The following NRG3 variants were observed in gnomAD, a reference collection of about 807,000 sequenced individuals.
The protein encoded by NRG3 is neuregulin 3.
NRG3 carries 31 observed loss-of-function variants against 66.9 expected under a neutral mutation model. That is an observed-to-expected ratio of 0.46 (90% CI 0.35 to 0.63). NRG3 has a LOEUF of 0.63. Among genes scored for constraint, NRG3 ranks in the 20% least tolerant of loss-of-function variants. The probability of loss-of-function intolerance (pLI) is 0.00; values close to 1 mark genes in which losing one functional copy is unlikely to be tolerated. For missense variants in NRG3, 910 were observed against 878.9 expected, an observed-to-expected ratio of 1.04 and a Z score of -0.45; for synonymous variants, 393 against 359.4, an observed-to-expected ratio of 1.09 and a Z score of -1.06.
intron 2 of NRG3, among the ~76,000 whole-genome samples, chr10:82,709,360 T>G (rs374148321): frequency 6.6e-6 from 1 of 151,018 alleles, no homozygotes; most frequent in South Asian, 2.1e-4. Context: ...CAGCTGGTTT[T>G]TTTTTGTTTT....
At chr10:82,286,179 A>T (rs187801704) in intron 1 of NRG3, among the ~76,000 whole-genome samples, 5 of 152,042 alleles carry the variant, frequency 3.3e-5, no homozygotes, top group Admixed American at 3.3e-4. Context: ...TGTGCTAAAA[A>T]CTCATAAGCT....
At chr10:82,480,127 TC>T (rs1842142935) in intron 2 of NRG3, among the ~76,000 whole-genome samples, 1 of 152,258 alleles carries the variant, frequency 6.6e-6, no homozygotes, top group African/African-American at 2.4e-5. Flanking sequence ...AGGATTTCAT[TC>T]ATAAGAAAGG....
intron 3 of NRG3, among the ~76,000 whole-genome samples, chr10:82,777,849 G>A (rs2059964803): frequency 1.3e-5 from 2 of 152,172 alleles, no homozygotes; most frequent in Non-Finnish European, 2.9e-5. Context: ...CAGGAATGTT[G>A]GGGCACGGCT....
intron 3 of NRG3, among the ~76,000 whole-genome samples, chr10:82,839,174 A>G (rs2062930704): frequency 6.6e-6 from 1 of 152,212 alleles, no homozygotes; most frequent in South Asian, 2.1e-4. Flanking sequence ...TAGGATTTGT[A>G]TTAACAAATA....
At chr10:82,016,565 T>C (rs2061795846) in intron 1 of NRG3, among the ~76,000 whole-genome samples, 1 of 152,126 alleles carries the variant, frequency 6.6e-6, no homozygotes, top group Non-Finnish European at 1.5e-5. Context: ...GACAGGTGTC[T>C]TGATCGTTAA....
intron 1 of NRG3, among the ~76,000 whole-genome samples, chr10:81,897,487 A>G (rs1843632096): frequency 6.6e-6 from 1 of 151,938 alleles, no homozygotes. Context: ...ACTTAGATTG[A>G]AGGAAAAACA....
chr10:82,661,549 A>C (rs2052361552), intron 2 of NRG3, among the ~76,000 whole-genome samples: 1 of 152,030 alleles, frequency 6.6e-6, no homozygotes, highest in African/African-American at 2.4e-5. Flanking sequence ...TACTAAAATT[A>C]TTATGTGCCT....
chr10:82,630,220 C>A (rs1441949371), intron 2 of NRG3, among the ~76,000 whole-genome samples: 2 of 151,660 alleles, frequency 1.3e-5, no homozygotes, highest in South Asian at 2.1e-4. Flanking sequence ...ATGGGAGGCG[C>A]CAAAGAGTAA....
chr10:81,971,905 G>A lies in NRG3; in HGVS notation c.823+95742G>A, dbSNP rs192574827. On this transcript the variant is annotated intron_variant, in intron 1 of 8. Transcript: ENST00000372141. ...TGATAGAAGCAATATGTAAAGGGAT[G>A]CTTTGGGTATTTAGTAGAGGACTGC... 2.1e-3 allele frequency among the ~76,000 whole-genome samples: 327 copies of A among 152,322 alleles called. 1 individual carries two copies. Among genetic ancestry groups the A allele is most frequent in the Middle Eastern group, 0.01 (3 of 294 alleles).
At chr10:82,865,362 C>T (rs1407737897) in intron 3 of NRG3, 49 bp from the exon 4 acceptor site, 1 of 1,604,094 alleles carries the variant, frequency 6.2e-7, no homozygotes, top group Non-Finnish European at 8.5e-7. Context: ...TTTTTCTAAC[C>T]TTTTTCTCTT....
intron 1 of NRG3, among the ~76,000 whole-genome samples, chr10:81,935,579 A>T (rs1462448649): frequency 1.3e-5 from 2 of 152,112 alleles, no homozygotes; most frequent in Non-Finnish European, 2.9e-5. Context: ...AACAACAACA[A>T]CAACAACAAC....
intron 2 of NRG3, among the ~76,000 whole-genome samples, chr10:82,652,730 C>T (rs1476093607): frequency 1.3e-5 from 2 of 152,148 alleles, no homozygotes; most frequent in African/African-American, 4.8e-5. Context: ...GAGGGTGGGG[C>T]TTTGACAGGG....
intron 2 of NRG3, among the ~76,000 whole-genome samples, chr10:82,595,968 C>G (rs1565108659): frequency 6.6e-6 from 1 of 151,996 alleles, no homozygotes; most frequent in East Asian, 1.9e-4. Context: ...CAATACAGTT[C>G]ATTAATTTTA....
intron 1 of NRG3, among the ~76,000 whole-genome samples, chr10:82,070,594 A>C (rs748516306): frequency 3.3e-5 from 5 of 152,190 alleles, no homozygotes; most frequent in South Asian, 2.1e-4. Flanking sequence ...TGGAAAAATA[A>C]TAATGACATT....
chr10:82,740,471 A>C (rs2058369304), intron 3 of NRG3, among the ~76,000 whole-genome samples: 1 of 152,130 alleles, frequency 6.6e-6, no homozygotes, highest in African/African-American at 2.4e-5. Flanking sequence ...GTAGAACAAA[A>C]TGGTCCCACG....
intron 2 of NRG3, among the ~76,000 whole-genome samples, chr10:82,467,072 T>A (rs76168508): frequency 1.4e-5 from 2 of 145,350 alleles, no homozygotes; most frequent in African/African-American, 5.6e-5. Context: ...GGGACCGTTA[T>A]TGAATTTTTA....
chr10:81,988,603 A>G (rs1222975330), intron 1 of NRG3, among the ~76,000 whole-genome samples: 1 of 152,168 alleles, frequency 6.6e-6, no homozygotes, highest in Non-Finnish European at 1.5e-5. Flanking sequence ...CAGGGTGCCT[A>G]GAGAATATTT....
intron 4 of NRG3, among the ~76,000 whole-genome samples, chr10:82,938,105 G>A (rs569446171): frequency 6.6e-6 from 1 of 152,282 alleles, no homozygotes; most frequent in Middle Eastern, 3.4e-3. Context: ...TCCCTTGATT[G>A]ACTGATTGAT....
chr10:82,575,603 C>T (rs538382670), intron 2 of NRG3, among the ~76,000 whole-genome samples: 3 of 151,742 alleles, frequency 2.0e-5, no homozygotes, highest in Non-Finnish European at 3.0e-5. Flanking sequence ...CTGATGACAT[C>T]GTTCCTTTGG....
Sources: gnomAD v4.1 joint callset for allele counts (sites outside exome capture counted in the v4.1 genomes callset) on GRCh38, gnomAD v4.1.1 for gene constraint, MANE v1.5 for transcripts, NCBI Gene and HGNC (gene_info 2026-07-23, HGNC 2026-07-21) for gene names.